Variants in EPB41L4A observed in about 807,000 individuals in gnomAD.
EPB41L4A encodes the protein erythrocyte membrane protein band 4.1 like 4A, also known as band 4.1-like protein 4A.
In EPB41L4A, 100 loss-of-function variants were observed where a neutral mutation model predicts 108.6. The ratio of observed to expected loss-of-function variants is 0.92; its 90% CI spans 0.78 to 1.09. The LOEUF is 1.09. Among genes scored for constraint, EPB41L4A ranks in the 50% least tolerant of loss-of-function variants. The pLI is 0.00. For missense variants in EPB41L4A, 1,030 were observed against 842.7 expected, an observed-to-expected ratio of 1.22 and a Z score of -2.75; for synonymous variants, 319 against 289.0, an observed-to-expected ratio of 1.10 and a Z score of -1.05.
At chr5:112,362,411 G>A (rs1421930469) in intron 1 of EPB41L4A, among the ~76,000 whole-genome samples, 2 of 151,790 alleles carry the variant, frequency 1.3e-5, no homozygotes, top group Middle Eastern at 3.2e-3. Context: ...CTCCCGAGTA[G>A]CTGGGATTAC....
At position 112,170,404 on chromosome 5, in the gene EPB41L4A, G is replaced by A. The variant is rs375930570; in HGVS notation, c.1671-35C>T. The A allele has an allele frequency of 2.5e-5, 34 of 1,372,970 alleles. No individual in the cohort carries two copies. In the Admixed American group the frequency reaches 5.9e-4, roughly 24 times the overall value. The allele number at this position is 1,372,970 out of a possible 1,614,324, so 85.0% of individuals were successfully genotyped here. A position where few individuals can be genotyped will look rare whatever the true frequency, so the allele number is the denominator to read the frequency against. On this transcript the variant is annotated intron_variant, in intron 19 of 22. Transcript: ENST00000261486. ...AATATGCAAGAAAATGATAGTTGTG[G>A]TGCTGGTATAAATGCTAGTATCTTT...
intron 1 of EPB41L4A, among the ~76,000 whole-genome samples, chr5:112,376,964 G>A (rs1057151330): frequency 5.9e-5 from 9 of 152,130 alleles, no homozygotes; most frequent in Non-Finnish European, 1.2e-4. Flanking sequence ...AGCACTTTGG[G>A]AGGCTGAAGC....
intron 3 of EPB41L4A, among the ~76,000 whole-genome samples, chr5:112,278,086 C>T (rs1171218933): frequency 6.6e-6 from 1 of 152,076 alleles, no homozygotes; most frequent in Non-Finnish European, 1.5e-5. Flanking sequence ...TGGTAACTAG[C>T]AAATGTTCTG....
At chr5:112,283,932 G>A (rs930029937) in intron 2 of EPB41L4A, among the ~76,000 whole-genome samples, 4 of 152,158 alleles carry the variant, frequency 2.6e-5, no homozygotes, top group Non-Finnish European at 5.9e-5. Flanking sequence ...TAAATAGCAT[G>A]TTCAAAAAAA....
At chr5:112,325,496 T>C (rs1055389027) in intron 1 of EPB41L4A, among the ~76,000 whole-genome samples, 1 of 151,670 alleles carries the variant, frequency 6.6e-6, no homozygotes, top group Non-Finnish European at 1.5e-5. Context: ...ACTCAAGTGA[T>C]GCCCATAAAG....
chr5:112,148,028 A>G (rs1421010245), intron 12 of EPB41L4A, among the ~76,000 whole-genome samples: 1 of 151,500 alleles, frequency 6.6e-6, no homozygotes, highest in Non-Finnish European at 1.5e-5. Flanking sequence ...GACAGAGTGA[A>G]AAAACAAAAA....
intron 4 of EPB41L4A, among the ~76,000 whole-genome samples, chr5:112,271,824 A>G (rs1234179899): frequency 1.3e-5 from 2 of 152,192 alleles, no homozygotes; most frequent in East Asian, 1.9e-4. Flanking sequence ...GTGCTTTTCA[A>G]AGGAGCTTTC....
intron 1 of EPB41L4A, among the ~76,000 whole-genome samples, chr5:112,310,780 C>T (rs879706612): frequency 6.6e-6 from 1 of 152,018 alleles, no homozygotes; most frequent in African/African-American, 2.4e-5. Context: ...AACAATCCCC[C>T]TATTTGAGTC....
intron 4 of EPB41L4A, among the ~76,000 whole-genome samples, chr5:112,268,742 C>A (rs372494205): frequency 1.4e-5 from 2 of 145,178 alleles, no homozygotes; most frequent in East Asian, 4.2e-4. Flanking sequence ...ACTTGGGAGG[C>A]TGAGGCAGGA....
chr5:112,172,990 C>A (rs780783381), intron 18 of EPB41L4A, among the ~76,000 whole-genome samples: 1 of 152,182 alleles, frequency 6.6e-6, no homozygotes, highest in Non-Finnish European at 1.5e-5. Flanking sequence ...GCCAGTAGCA[C>A]CTCCCCAGTG....
intron 22 of EPB41L4A, among the ~76,000 whole-genome samples, chr5:112,166,491 C>A (rs1178915404): frequency 6.6e-6 from 1 of 152,226 alleles, no homozygotes; most frequent in Non-Finnish European, 1.5e-5. Context: ...TCCCTACATT[C>A]CTCACTCTGA....
chr5:112,411,670 C>A (rs1364795484), intron 1 of EPB41L4A, among the ~76,000 whole-genome samples: 7 of 151,212 alleles, frequency 4.6e-5, no homozygotes, highest in African/African-American at 1.7e-4. Flanking sequence ...CCAGTAATTA[C>A]AAGGCAGACA....
chr5:112,317,339 G>A (rs1755494813), intron 1 of EPB41L4A, among the ~76,000 whole-genome samples: 1 of 152,132 alleles, frequency 6.6e-6, no homozygotes, highest in Non-Finnish European at 1.5e-5. Flanking sequence ...ATCTCTACAA[G>A]AGCTATGCAA....
At chr5:112,383,127 G>A (rs773173824) in intron 1 of EPB41L4A, among the ~76,000 whole-genome samples, 1 of 152,298 alleles carries the variant, frequency 6.6e-6, no homozygotes, top group Admixed American at 6.5e-5. Context: ...CATACAGGAC[G>A]TGTATTCCAT....
chr5:112,279,399 A>C lies in EPB41L4A; in HGVS notation c.256+873T>G, dbSNP rs180735059. On this transcript the variant is annotated intron_variant, in intron 3 of 22. Transcript: ENST00000261486. ...TCAGAATGGGGATAATGAATGCCAG[A>C]AGAATCCACTCCGTTTTGATTAGCA... is the stretch of plus-strand genomic sequence containing the variant. Among the ~76,000 whole-genome samples, 433 of 152,314 alleles carry C rather than the reference A, an allele frequency of 2.8e-3. 2 individuals carry two copies. Among genetic ancestry groups the C allele is most frequent in the African/African-American group, 1.0e-2 (414 of 41,556 alleles).
intron 1 of EPB41L4A, among the ~76,000 whole-genome samples, chr5:112,392,533 G>C (rs970331688): frequency 6.6e-6 from 1 of 150,906 alleles, no homozygotes; most frequent in African/African-American, 2.4e-5. Flanking sequence ...TCAACAAGAA[G>C]AGCTAACTAT....
At chr5:112,148,962 G>A (rs565035354) in intron 12 of EPB41L4A, among the ~76,000 whole-genome samples, 104 of 152,042 alleles carry the variant, frequency 6.8e-4, no homozygotes, top group African/African-American at 2.5e-3. Context: ...CAATTACCAT[G>A]CTAATTTAAT....
chr5:112,303,307 G>A (rs1444027107), intron 2 of EPB41L4A, among the ~76,000 whole-genome samples: 5 of 152,136 alleles, frequency 3.3e-5, no homozygotes, highest in African/African-American at 1.2e-4. Context: ...CAATGGATGA[G>A]GATTTTTGTT....
intron 1 of EPB41L4A, among the ~76,000 whole-genome samples, chr5:112,415,595 A>G (rs1188734201): frequency 6.6e-6 from 1 of 152,218 alleles, no homozygotes; most frequent in African/African-American, 2.4e-5. Flanking sequence ...AGTCTGAGCC[A>G]CATTCAAGTT....
Sources: allele counts gnomAD v4.1 joint callset (sites outside exome capture counted in the v4.1 genomes callset), GRCh38; gene constraint gnomAD v4.1.1; transcripts MANE v1.5; gene names NCBI Gene and HGNC (gene_info 2026-07-23, HGNC 2026-07-21).